ZNF234: variants seen among roughly 807,000 people sequenced by gnomAD.
ZNF234 encodes C2-H2 type zinc finger protein.
Under a neutral mutation model 10.3 loss-of-function variants are expected in ZNF234, and 4 were observed. That is an observed-to-expected ratio of 0.39 (90% CI 0.19 to 0.89). The LOEUF is 0.89. Among genes scored for constraint, ZNF234 ranks in the 40% least tolerant of loss-of-function variants. The pLI is 0.38. For synonymous variants in ZNF234, 258 were observed against 280.1 expected (o/e 0.92, Z 0.79); for missense variants, 711 against 836.1 (o/e 0.85, Z 1.85).
At chr19:44,150,694 T>A (rs189495774) in intron 5 of ZNF234, among the ~76,000 whole-genome samples, 189 bp downstream of exon 5, 241 of 152,246 alleles carry the variant, frequency 1.6e-3, no homozygotes, top group African/African-American at 5.4e-3. Context: ...GCGTTCTCCA[T>A]ATCATAGCTA....
intron 5 of ZNF234, among the ~76,000 whole-genome samples, chr19:44,152,520 T>C (rs1968768621): frequency 6.6e-6 from 1 of 152,198 alleles, no homozygotes; most frequent in Non-Finnish European, 1.5e-5. Context: ...TGTTTGTGTG[T>C]GCACTTGAAC....
In ZNF234 at chr19:44,158,121, T is replaced by TAAA. The variant is rs35483237; in HGVS notation, c.*13_*15dup. ...GAGGGAGGAAGTTCTACAAGGTGAT[T>TAAA]AAAAAAAAAAAAACAGAACTCATGT... is the stretch of plus-strand genomic sequence containing the variant. On this transcript the variant is annotated 3_prime_UTR_variant, in exon 6 of 6. Transcript: ENST00000426739. The TAAA allele has an allele frequency of 2.9e-3, 4,207 of 1,445,280 alleles. 4 individuals carry two copies. In the African/African-American group the frequency reaches 0.032, roughly 11 times the overall value. 89.5% of individuals were successfully genotyped at this position (1,445,280 alleles called of 1,614,324 possible).
chr19:44,157,902 G>A lies in ZNF234; in HGVS notation c.1886G>A (p.Cys629Tyr). The change falls in exon 6 of 6, where the codon TGT becomes TAT. Residue 629 changes from cysteine (C) to tyrosine (Y), a missense_variant. Physicochemically the swap from Cys to Tyr is radical, Grantham distance 194 (BLOSUM62 -2). Coordinates refer to ENST00000426739, the MANE Select transcript of ZNF234 (RefSeq NM_006630.3). ...TGEKPYKCDVCGKVFSRSSQL... is the reference protein window; with the variant it reads ...TGEKPYKCDVYGKVFSRSSQL... Reference sequence around the variant, plus strand: ...GAGAAACCATACAAATGTGATGTATGTGGTAAAGTCTTCAGTCGGTCTTCA... The same window carrying A: ...GAGAAACCATACAAATGTGATGTATATGGTAAAGTCTTCAGTCGGTCTTCA... 6.2e-7 allele frequency: 1 copy of A among 1,614,184 alleles called. No homozygotes were observed. The highest frequency in any genetic ancestry group is 8.5e-7 in the Non-Finnish European group (1 of 1,180,024).
rs576892712 is a variant in ZNF234, at chr19:44,152,371, A to T, written c.235+1866A>T. Among the ~76,000 whole-genome samples the T allele has an allele frequency of 1.0e-3, 157 of 152,342 alleles. 2 individuals are homozygous for T. Among genetic ancestry groups the T allele is most frequent in the African/African-American group, 3.5e-3 (147 of 41,586 alleles). ...GCATAATGAAGGCATTAATGGATGG[A>T]TGTGACCTCACTCTAGGGGTCTTGC... On this transcript the variant is annotated intron_variant, in intron 5 of 5. Coordinates refer to ENST00000426739, the MANE Select transcript of ZNF234 (RefSeq NM_006630.3).
chr19:44,146,034 G>C (rs959517147), intron 3 of ZNF234, among the ~76,000 whole-genome samples: 2 of 152,156 alleles, frequency 1.3e-5, no homozygotes, highest in African/African-American at 2.4e-5. Flanking sequence ...TTCTCAGATT[G>C]GCATAGAAAG....
chr19:44,154,628 CTTTTTTTTT>C (rs779013573), intron 5 of ZNF234, among the ~76,000 whole-genome samples: 2 of 102,434 alleles, frequency 2.0e-5, no homozygotes, highest in South Asian at 3.1e-4. Context: ...TTCTCTTTTT[CTTTTTTTTT>C]TTTTTTTTTT....
chr19:44,158,250 T>A lies in ZNF234; in HGVS notation c.*131T>A, dbSNP rs923463293. On this transcript the variant is annotated 3_prime_UTR_variant, in exon 6 of 6. Coordinates refer to ENST00000426739, the MANE Select transcript of ZNF234 (RefSeq NM_006630.3). ...TAACGCTCCACATTTCCACCTAGAC[T>A]TTTTTTTGTTTTTTATTTTTTGTTT... 9 of 1,023,356 alleles carry A rather than the reference T, an allele frequency of 8.8e-6. No individual in the cohort carries two copies. The African/African-American group carries it at 1.4e-4, about 16-fold the overall frequency. The allele number at this position is 1,023,356 out of a possible 1,614,324, so 63.4% of individuals were successfully genotyped here. A position where few individuals can be genotyped will look rare whatever the true frequency, so the allele number is the denominator to read the frequency against.
chr19:44,143,616 GAAAAAA>G (rs61062157), intron 2 of ZNF234, among the ~76,000 whole-genome samples: 42 of 111,900 alleles, frequency 3.8e-4, no homozygotes, highest in Non-Finnish European at 6.4e-4. Context: ...CTCAGAAAAA[GAAAAAA>G]AAAAAAAAAA....
At position 44,141,929 on chromosome 19, in the gene ZNF234, T is replaced by TA. The variant is rs2147596187; in HGVS notation, c.-131+197dup. 6.6e-6 allele frequency: 1 copy of TA among 152,422 alleles called. No individual in the cohort carries two copies. The highest frequency in any genetic ancestry group is 1.5e-5 in the Non-Finnish European group (1 of 68,098). The allele number at this position is 152,422 out of a possible 1,614,324, so 9.4% of individuals were successfully genotyped here. On this transcript the variant is annotated intron_variant, in intron 1 of 5. Coordinates refer to ENST00000426739, the MANE Select transcript of ZNF234 (RefSeq NM_006630.3). The surrounding 1 kb of genome is among the most constrained non-coding windows in gnomAD (Gnocchi z 4.6). ...CACTCCAGGCGCGCAGTCACTTTTTTACAGTGCAAGGTTGGCGTGTTAATC... is the reference window on the plus strand; with the variant it reads ...CACTCCAGGCGCGCAGTCACTTTTTTAACAGTGCAAGGTTGGCGTGTTAATC...
intron 5 of ZNF234, 40 bp from the exon 6 acceptor site, chr19:44,156,212 T>G (rs982152416): frequency 6.6e-7 from 1 of 1,516,068 alleles, no homozygotes; most frequent in African/African-American, 1.4e-5. Flanking sequence ...TGAAAACTTT[T>G]AACAGAGCCT....
intron 3 of ZNF234, among the ~76,000 whole-genome samples, chr19:44,147,029 T>C (rs1568549424): frequency 6.6e-6 from 1 of 151,870 alleles, no homozygotes. Flanking sequence ...TTGGCCAGGC[T>C]GGTCTTGAAC....
intron 3 of ZNF234, 38 bp from the exon 4 acceptor site, chr19:44,148,733 G>A: frequency 1.2e-6 from 2 of 1,610,840 alleles, no homozygotes; most frequent in South Asian, 2.2e-5. Flanking sequence ...TCAAGAGTTT[G>A]TTAAAAAGGC....
At chr19:44,145,457 T>C (rs1281666912) in intron 3 of ZNF234, among the ~76,000 whole-genome samples, 3 of 152,196 alleles carry the variant, frequency 2.0e-5, no homozygotes, top group South Asian at 4.1e-4. Flanking sequence ...TTTCTGCTGA[T>C]TTTTTTGTCA....
chr19:44,154,717 C>T (rs1968838313), intron 5 of ZNF234, among the ~76,000 whole-genome samples: 1 of 145,974 alleles, frequency 6.9e-6, no homozygotes, highest in Non-Finnish European at 1.5e-5. Context: ...ACTGCAGCTT[C>T]TAACTCCTGA....
intron 2 of ZNF234, among the ~76,000 whole-genome samples, 197 bp downstream of exon 2, chr19:44,142,564 G>A (rs1968492193): frequency 6.6e-6 from 1 of 152,172 alleles, no homozygotes; most frequent in Admixed American, 6.5e-5. Context: ...GTGAAACTTG[G>A]GTTGGAACCT....
intron 5 of ZNF234, 52 bp from the exon 6 acceptor site, chr19:44,156,200 C>A (rs1182448205): frequency 6.7e-7 from 1 of 1,498,486 alleles, no homozygotes; most frequent in Admixed American, 2.3e-5. Context: ...AGTATGACAT[C>A]TTGAAAACTT....
intron 5 of ZNF234, 46 bp downstream of exon 5, chr19:44,150,551 G>A: frequency 1.4e-6 from 2 of 1,467,966 alleles, no homozygotes; most frequent in Non-Finnish European, 1.8e-6. Context: ...TTGTCCATCT[G>A]TTGTACTTCT....
In ZNF234 at chr19:44,142,027, T is replaced by C. The variant is rs532006675; in HGVS notation, c.-130-287T>C. On this transcript the variant is annotated intron_variant, in intron 1 of 5. Coordinates refer to ENST00000426739, the MANE Select transcript of ZNF234 (RefSeq NM_006630.3). ...ATCTTTGTAGAATCGTTTTGGTAAC[T>C]GGAATAGGTTACACAACACAAACAG... The C allele has an allele frequency of 2.6e-5, 4 of 152,366 alleles. No individual in the cohort carries two copies. In the East Asian group the frequency reaches 7.7e-4, roughly 29 times the overall value. 9.4% of individuals were successfully genotyped at this position (152,366 alleles called of 1,614,324 possible).
rs758812910 is a variant in ZNF234, at chr19:44,158,140, C to T, written c.*21C>T. On this transcript the variant is annotated 3_prime_UTR_variant, in exon 6 of 6. Coordinates refer to ENST00000426739, the MANE Select transcript of ZNF234 (RefSeq NM_006630.3). ...GGTGATTAAAAAAAAAAAAACAGAA[C>T]TCATGTACAACCTGAATGCTTGTAA... 3 of 1,553,628 alleles carry T rather than the reference C, an allele frequency of 1.9e-6. No individual in the cohort carries two copies. The highest frequency in any genetic ancestry group is 4.5e-5 in the East Asian group (2 of 44,566).
Sources: allele counts gnomAD v4.1 joint callset (sites outside exome capture counted in the v4.1 genomes callset), GRCh38; gene constraint gnomAD v4.1.1; non-coding constraint Gnocchi (gnomAD v3.1); transcripts MANE v1.5; gene names NCBI Gene and HGNC (gene_info 2026-07-23, HGNC 2026-07-21).